The following GPHN variants were observed in gnomAD, a reference collection of about 807,000 sequenced individuals.
The protein encoded by GPHN is gephyrin.
GPHN carries 17 observed loss-of-function variants against 95.5 expected under a neutral mutation model. The ratio of observed to expected loss-of-function variants is 0.18; its 90% CI spans 0.12 to 0.27. The LOEUF is 0.27. GPHN is among the 10% of genes least tolerant of loss of function. The pLI is 1.00. For missense variants in GPHN, 660 were observed against 978.1 expected (o/e 0.67, Z 4.34); for synonymous variants, 320 against 322.5 (o/e 0.99, Z 0.08).
At chr14:67,131,122 A>G (rs1595292714) in intron 17 of GPHN, among the ~76,000 whole-genome samples, 1 of 152,222 alleles carries the variant, frequency 6.6e-6, no homozygotes, top group South Asian at 2.1e-4. Context: ...ACTGAATGCT[A>G]TATGTGCTAG....
chr14:67,119,113 A>G (rs1249269048), intron 16 of GPHN, among the ~76,000 whole-genome samples: 2 of 152,224 alleles, frequency 1.3e-5, no homozygotes, highest in Non-Finnish European at 2.9e-5. Flanking sequence ...TCTTCAGAGC[A>G]TATGAATCCA....
At chr14:66,650,075 ACT>A (rs1427409788) in intron 1 of GPHN, among the ~76,000 whole-genome samples, 1 of 149,878 alleles carries the variant, frequency 6.7e-6, no homozygotes, top group Non-Finnish European at 1.5e-5. Flanking sequence ...ATAGCAGAAG[ACT>A]CTAAGACTGC....
chr14:66,585,668 G>T (rs1170541826), intron 1 of GPHN, among the ~76,000 whole-genome samples: 1 of 152,060 alleles, frequency 6.6e-6, no homozygotes, highest in East Asian at 1.9e-4. Context: ...TTCAGGAGCA[G>T]GTTGTTCAGT....
chr14:66,936,632 G>A (rs369435053), intron 8 of GPHN, among the ~76,000 whole-genome samples: 5 of 152,248 alleles, frequency 3.3e-5, no homozygotes, highest in Admixed American at 6.5e-5. Flanking sequence ...TTTTATAAAG[G>A]TTGAGTTATA....
chr14:67,372,639 G>A, the GPHN span, among the ~76,000 whole-genome samples: 1 of 152,088 alleles, frequency 6.6e-6, no homozygotes, highest in African/African-American at 2.4e-5. Flanking sequence ...GACTATCCTG[G>A]CCAACATGGT....
At chr14:66,512,262 C>CT (rs1280635444) in intron 1 of GPHN, among the ~76,000 whole-genome samples, 4 of 151,826 alleles carry the variant, frequency 2.6e-5, no homozygotes, top group Admixed American at 2.6e-4. Context: ...TCTTCACATA[C>CT]TTTTTTCTAT....
chr14:67,259,292 T>C, the GPHN span, among the ~76,000 whole-genome samples: 2 of 151,912 alleles, frequency 1.3e-5, no homozygotes, highest in Non-Finnish European at 1.5e-5. Context: ...TGAATGAAAG[T>C]AAAAAATAAT....
chr14:66,525,050 T>C (rs1047790258), intron 1 of GPHN, among the ~76,000 whole-genome samples: 10 of 152,174 alleles, frequency 6.6e-5, no homozygotes, highest in Non-Finnish European at 1.0e-4. Flanking sequence ...TATTTCTGGT[T>C]CTAGATCCTT....
chr14:67,111,726 G>C (rs1284919666), intron 14 of GPHN, 135 bp from the exon 15 acceptor site: 3 of 714,116 alleles, frequency 4.2e-6, no homozygotes, highest in Non-Finnish European at 7.5e-6. Context: ...TGTTTTCAAA[G>C]GGTGTAGCAA....
intron 1 of GPHN, among the ~76,000 whole-genome samples, chr14:66,637,078 A>G (rs2064140659): frequency 6.6e-6 from 1 of 152,156 alleles, no homozygotes; most frequent in Admixed American, 6.5e-5. Context: ...CTTGGTATGT[A>G]TGATTTCCAA....
the GPHN span, chr14:67,600,265 T>G: frequency 7.3e-7 from 1 of 1,370,314 alleles, no homozygotes. Flanking sequence ...GCCCTGGCCG[T>G]CTCGCCCGCT....
At chr14:67,225,018 T>TGCCTTTTTTTTCCTCCTGC in the GPHN span, 1 of 998,248 alleles carries the variant, frequency 1.0e-6, no homozygotes, top group Non-Finnish European at 1.4e-6. Context: ...TCTCCTTCTG[T>TGCCTTTTTTTTCCTCCTGC]GCCTTTTTTT....
chr14:67,639,127 TC>T, the GPHN span, among the ~76,000 whole-genome samples: 2 of 152,238 alleles, frequency 1.3e-5, no homozygotes, highest in Admixed American at 6.5e-5. Context: ...CAGTCTCTCT[TC>T]CTGGGAACGT....
At chr14:67,383,549 T>A in the GPHN span, 3 of 1,463,802 alleles carry the variant, frequency 2.0e-6, no homozygotes, top group Non-Finnish European at 2.8e-6. Flanking sequence ...CTGAATATTT[T>A]TTATTTCTAA....
intron 8 of GPHN, among the ~76,000 whole-genome samples, chr14:66,944,582 C>A (rs928271238): frequency 3.3e-5 from 5 of 152,012 alleles, no homozygotes; most frequent in Non-Finnish European, 7.4e-5. Flanking sequence ...AAAATCTCTT[C>A]CAAAAGGAAA....
the GPHN span, among the ~76,000 whole-genome samples, chr14:67,661,061 T>A: frequency 6.6e-6 from 1 of 151,836 alleles, no homozygotes. Flanking sequence ...TTGGGATAAG[T>A]GGGAAATTGA....
intron 2 of GPHN, among the ~76,000 whole-genome samples, chr14:66,750,284 T>G (rs1413219577): frequency 3.9e-5 from 6 of 151,990 alleles, no homozygotes; most frequent in Middle Eastern, 3.4e-3. Context: ...TTAGATTCAT[T>G]TTTTTTGCAC....
At chr14:67,612,645 T>G in the GPHN span, among the ~76,000 whole-genome samples, 1 of 152,032 alleles carries the variant, frequency 6.6e-6, no homozygotes, top group South Asian at 2.1e-4. Context: ...GTTTATGGTT[T>G]AAGAAAATAG....
At chr14:66,893,363 A>G (rs2153542055) in intron 5 of GPHN, among the ~76,000 whole-genome samples, 1 of 152,232 alleles carries the variant, frequency 6.6e-6, no homozygotes, top group African/African-American at 2.4e-5. Context: ...GAGCTGAAGC[A>G]GGGTGAGGCA....
Sources: gnomAD v4.1 joint callset for allele counts (sites outside exome capture counted in the v4.1 genomes callset) on GRCh38, gnomAD v4.1.1 for gene constraint, MANE v1.5 for transcripts, NCBI Gene and HGNC (gene_info 2026-07-23, HGNC 2026-07-21) for gene names.